PALM2AKAP2: variants seen among roughly 807,000 people sequenced by gnomAD.
The protein encoded by PALM2AKAP2 is PALM2-AKAP2 fusion protein.
In PALM2AKAP2, 37 loss-of-function variants were observed where a neutral mutation model predicts 71.5. The ratio of observed to expected loss-of-function variants is 0.52; its 90% CI spans 0.40 to 0.68. PALM2AKAP2 has a LOEUF of 0.68. PALM2AKAP2 is among the 30% of genes least tolerant of loss of function. PALM2AKAP2 has a pLI of 0.00. For missense variants in PALM2AKAP2, 1,224 were observed against 1,191.8 expected (o/e 1.03, Z -0.40); for synonymous variants, 468 against 478.8 (o/e 0.98, Z 0.29).
Position 109,750,781 on chromosome 9 carries a change from A to T in PALM2AKAP2, c.6-29707A>T, listed in dbSNP as rs565268591. On this transcript the variant is annotated intron_variant, in intron 1 of 6. Coordinates refer to the PALM2AKAP2 transcript ENST00000374531. ...ATGAAGAAATTTTTAAAATGTTGGC[A>T]ATCAACTTAAGACATTCTTTTGTAA... Among the ~76,000 whole-genome samples the T allele has an allele frequency of 7.2e-5, 11 of 152,308 alleles. 1 individual carries two copies. The highest frequency in any genetic ancestry group is 2.6e-4 in the African/African-American group (11 of 41,570).
chr9:109,779,128 G>A (rs1829392889), upstream of PALM2AKAP2, among the ~76,000 whole-genome samples: 1 of 152,158 alleles, frequency 6.6e-6, no homozygotes, highest in African/African-American at 2.4e-5. Flanking sequence ...GGCCATATTA[G>A]TTATTTCAGT....
chr9:110,136,858 A>G (rs898662015), exon 2 of PALM2AKAP2: 9 of 1,614,060 alleles, frequency 5.6e-6, no homozygotes, highest in African/African-American at 2.7e-5. Flanking sequence ...ACTGCATTAG[A>G]AAAGTGAGGC....
intron 2 of PALM2AKAP2, among the ~76,000 whole-genome samples, chr9:109,868,050 CTG>C (rs898249613): frequency 6.6e-6 from 1 of 152,124 alleles, no homozygotes; most frequent in Non-Finnish European, 1.5e-5. Context: ...AAGAACAACA[CTG>C]TGTATTTCAG....
rs145015063 is a variant in PALM2AKAP2, at chr9:109,936,158, A to G, written c.496+4130A>G. The stretch of plus-strand genomic sequence containing the variant: ...ACATGTGGTATTTTGATACATTCAC[A>G]CAATGTATAATGATCAAAAAAGGGT... On this transcript the variant is annotated intron_variant, in intron 6 of 9. Coordinates refer to the PALM2AKAP2 transcript ENST00000302798. 3.6e-3 allele frequency among the ~76,000 whole-genome samples: 541 copies of G among 152,324 alleles called. 5 individuals are homozygous for G. Among genetic ancestry groups the G allele is most frequent in the African/African-American group, 0.012 (511 of 41,572 alleles).
intron 1 of PALM2AKAP2, among the ~76,000 whole-genome samples, chr9:109,729,264 TC>T (rs1394592830): frequency 6.6e-6 from 1 of 152,150 alleles, no homozygotes; most frequent in Non-Finnish European, 1.5e-5. Context: ...CCTCCAGTAG[TC>T]CCCTCCAACT....
At chr9:110,156,466 C>A (rs1031277772) in exon 3 of PALM2AKAP2, 1 of 1,610,568 alleles carries the variant, frequency 6.2e-7, no homozygotes, top group Non-Finnish European at 8.5e-7. Context: ...ACACACAAAT[C>A]TAAAAGGCGC....
chr9:110,048,791 C>A (rs1347732778), exon 1 of PALM2AKAP2: 2 of 1,533,750 alleles, frequency 1.3e-6, no homozygotes, highest in African/African-American at 1.4e-5. Flanking sequence ...CGGGAGGCAG[C>A]GGCCGCGCGG....
At chr9:109,865,819 G>T (rs1242757720) in intron 1 of PALM2AKAP2, among the ~76,000 whole-genome samples, 1 of 152,196 alleles carries the variant, frequency 6.6e-6, no homozygotes, top group Non-Finnish European at 1.5e-5. Flanking sequence ...ACTCTTGAGA[G>T]ATTCTAGAAT....
intron 1 of PALM2AKAP2, among the ~76,000 whole-genome samples, chr9:110,130,060 CT>C (rs1252872323): frequency 1.3e-5 from 2 of 152,118 alleles, no homozygotes; most frequent in Admixed American, 6.5e-5. Context: ...GATTTCTTTT[CT>C]TCTAAAAATC....
intron 1 of PALM2AKAP2, among the ~76,000 whole-genome samples, chr9:110,132,049 G>C: frequency 6.6e-6 from 1 of 151,768 alleles, no homozygotes; most frequent in East Asian, 1.9e-4. Flanking sequence ...GTGTGTGTGT[G>C]TGTGTGTGTG....
chr9:109,843,861 C>A (rs950656268), intron 1 of PALM2AKAP2, among the ~76,000 whole-genome samples: 1 of 152,186 alleles, frequency 6.6e-6, no homozygotes, highest in Non-Finnish European at 1.5e-5. Flanking sequence ...CTATCAGTGG[C>A]CTTCTTCTGT....
chr9:110,023,454 A>G (rs1247527096), intron 7 of PALM2AKAP2, among the ~76,000 whole-genome samples: 1 of 151,448 alleles, frequency 6.6e-6, no homozygotes, highest in East Asian at 1.9e-4. Flanking sequence ...GATGGGATTA[A>G]CAGGCCTGTG....
intron 1 of PALM2AKAP2, among the ~76,000 whole-genome samples, chr9:109,772,810 C>T (rs1829289451): frequency 6.6e-6 from 1 of 152,212 alleles, no homozygotes; most frequent in Non-Finnish European, 1.5e-5. Flanking sequence ...ACTGAGTCTA[C>T]AGTGGCTATA....
rs1022303322 is a variant in PALM2AKAP2 at position 110,107,345 on chromosome 9, G to A, written c.157-28782G>A. On this transcript the variant is annotated intron_variant, in intron 1 of 3. Coordinates refer to ENST00000374525, the Ensembl canonical transcript of PALM2AKAP2. Reference sequence around the variant, plus strand: ...ATTGTATGTACGGAAACATCACTATGTACCCCATAAATATGTACAAGTAAT... The same window carrying A: ...ATTGTATGTACGGAAACATCACTATATACCCCATAAATATGTACAAGTAAT... Among the ~76,000 whole-genome samples the A allele has an allele frequency of 3.9e-5, 6 of 152,100 alleles. No individual in the cohort carries two copies. In the East Asian group the frequency reaches 9.6e-4, roughly 24 times the overall value.
intron 1 of PALM2AKAP2, among the ~76,000 whole-genome samples, chr9:110,063,976 G>T (rs186313874): frequency 4.7e-4 from 71 of 152,266 alleles, no homozygotes; most frequent in African/African-American, 1.6e-3. Context: ...ACAGGTCAGG[G>T]AAATCCTTGG....
intron 1 of PALM2AKAP2, among the ~76,000 whole-genome samples, chr9:109,790,635 G>T (rs1174906040): frequency 6.6e-6 from 1 of 152,174 alleles, no homozygotes; most frequent in Non-Finnish European, 1.5e-5. Flanking sequence ...CGGGATTTAA[G>T]AAAGGTGCCT....
intron 1 of PALM2AKAP2, among the ~76,000 whole-genome samples, chr9:110,112,249 C>G (rs1285131109): frequency 6.6e-6 from 1 of 151,404 alleles, no homozygotes; most frequent in African/African-American, 2.4e-5. Context: ...CATGACACAT[C>G]ATGTGTTTTG....
intron 6 of PALM2AKAP2, among the ~76,000 whole-genome samples, chr9:109,987,464 C>T (rs1040705160): frequency 4.6e-5 from 7 of 152,176 alleles, no homozygotes; most frequent in Admixed American, 1.3e-4. Flanking sequence ...TTCATGTACA[C>T]GTCTCTGTGT....
chr9:109,751,077 GA>G (rs760429935), intron 1 of PALM2AKAP2, among the ~76,000 whole-genome samples: 88 of 152,172 alleles, frequency 5.8e-4, no homozygotes, highest in African/African-American at 1.3e-3. Flanking sequence ...AAATATACCT[GA>G]ATCCAGCCAG....
Sources: allele counts gnomAD v4.1 joint callset (sites outside exome capture counted in the v4.1 genomes callset), GRCh38; gene constraint gnomAD v4.1.1; transcripts MANE v1.5; gene names NCBI Gene and HGNC (gene_info 2026-07-23, HGNC 2026-07-21).